Variants in SLC45A1 observed in about 807,000 individuals in gnomAD.
The protein encoded by SLC45A1 is solute carrier family 45 member 1.
A neutral mutation model predicts 57.6 loss-of-function variants in SLC45A1; 28 were observed. The observed-to-expected ratio is 0.49, with a 90% CI of 0.36 to 0.67. The LOEUF (loss-of-function observed/expected upper bound fraction) is 0.67. Among genes scored for constraint, SLC45A1 ranks in the 30% least tolerant of loss-of-function variants. The pLI is 0.00. For missense variants in SLC45A1, 814 were observed against 1,041.5 expected (o/e 0.78, Z 3.01); for synonymous variants, 459 against 471.5 (o/e 0.97, Z 0.34).
chr1:8,343,689 C>G lies in SLC45A1; in HGVS notation c.1981-58C>G. The G allele has an allele frequency of 6.4e-7, 1 of 1,558,418 alleles. No individual in the cohort carries two copies. The highest frequency in any genetic ancestry group is 8.7e-7 in the Non-Finnish European group (1 of 1,148,856). On this transcript the variant is annotated intron_variant, in intron 8 of 8. Coordinates refer to ENST00000471889, the MANE Select transcript of SLC45A1 (RefSeq NM_001080397.3). The surrounding 1 kb of genome is among the most constrained non-coding windows in gnomAD (Gnocchi z 7.7). ...CTGGGCTCGCAGGACACACCGAGCT[C>G]GGTCACCCCGTGCTGGCCGCGGCGT...
In SLC45A1 at chr1:8,325,011, T is replaced by C. The variant is rs375348843; in HGVS notation, c.397+285T>C. 7.9e-5 allele frequency among the ~76,000 whole-genome samples: 12 copies of C among 152,182 alleles called. No individual in the cohort carries two copies. The highest frequency in any genetic ancestry group is 3.2e-3 in the Middle Eastern group (1 of 316). ...GTCCAACTCATAACGCTTGGTGTCA[T>C]GTGAGCCTGGAAGGTCCTGAAATTT... On this transcript the variant is annotated intron_variant, in intron 2 of 8. Transcript: ENST00000471889. The surrounding 1 kb of genome is among the most constrained non-coding windows in gnomAD (Gnocchi z 6.3).
chr1:8,320,116 T>A (rs1001442129), intron 1 of SLC45A1, among the ~76,000 whole-genome samples: 1 of 152,228 alleles, frequency 6.6e-6, no homozygotes, highest in African/African-American at 2.4e-5. Flanking sequence ...ATCCCCAGAT[T>A]TGAAGATGAA....
At chr1:8,342,294 A>G (rs1640850759) in intron 8 of SLC45A1, among the ~76,000 whole-genome samples, 1 of 152,220 alleles carries the variant, frequency 6.6e-6, no homozygotes, top group Non-Finnish European at 1.5e-5. Context: ...GTATTGAAAT[A>G]TGCACCATCT....
chr1:8,343,706 C>G lies in SLC45A1; in HGVS notation c.1981-41C>G. ...ACCGAGCTCGGTCACCCCGTGCTGGCCGCGGCGTGTCTCGCTGACACGTTT... is the reference window on the plus strand; with the variant it reads ...ACCGAGCTCGGTCACCCCGTGCTGGGCGCGGCGTGTCTCGCTGACACGTTT... On this transcript the variant is annotated intron_variant, in intron 8 of 8. Coordinates refer to ENST00000471889, the MANE Select transcript of SLC45A1 (RefSeq NM_001080397.3). The surrounding 1 kb of genome is among the most constrained non-coding windows in gnomAD (Gnocchi z 7.7). The G allele has an allele frequency of 6.3e-7, 1 of 1,578,614 alleles. No homozygotes were observed.
chr1:8,334,160 T>A (rs1267839751), intron 5 of SLC45A1, among the ~76,000 whole-genome samples: 1 of 152,242 alleles, frequency 6.6e-6, no homozygotes, highest in Non-Finnish European at 1.5e-5. Flanking sequence ...CATCCCCTTT[T>A]TCTGTTTCCT....
At chr1:8,334,483 T>C (rs1282907459) in intron 5 of SLC45A1, among the ~76,000 whole-genome samples, 1 of 152,214 alleles carries the variant, frequency 6.6e-6, no homozygotes, top group Non-Finnish European at 1.5e-5. Flanking sequence ...GGAGGACCAC[T>C]TGAGGCCAGG....
rs144625442 is a variant in SLC45A1, at chr1:8,335,499, C to T, written c.1506C>T (p.Arg502=). The part of the protein sequence containing the change: ...YESELTGSSE[R]AEQPLSVGRL... ...GCGAGCTGACGGGCTCCAGCGAGCG[C>T]GCGGAGCAGCCTCTGTCCGTGGGGC... Residue 502 remains arginine, a synonymous_variant, in exon 6 of 9, where the codon CGC becomes CGT. Transcript: ENST00000471889. This position sits in a 1 kb window ranked among gnomAD's most constrained non-coding sequence, Gnocchi z 4.1. 13 of 1,603,120 alleles carry T rather than the reference C, an allele frequency of 8.1e-6. No homozygotes were observed. The highest frequency in any genetic ancestry group is 4.5e-5 in the East Asian group (2 of 44,866).
chr1:8,338,139 CG>C, intron 7 of SLC45A1, 147 bp downstream of exon 7: 1 of 764,204 alleles, frequency 1.3e-6, no homozygotes, highest in Admixed American at 2.9e-5. Context: ...GGCTGCAGGG[CG>C]CTGGGCCTGG....
intron 7 of SLC45A1, among the ~76,000 whole-genome samples, chr1:8,338,947 G>A (rs1640713187): frequency 1.3e-5 from 2 of 152,180 alleles, no homozygotes; most frequent in African/African-American, 4.8e-5. Context: ...TCACTTGTGA[G>A]TCCATGGGGT....
At chr1:8,331,008 A>T in intron 5 of SLC45A1, 72 bp downstream of exon 5, 1 of 1,489,612 alleles carries the variant, frequency 6.7e-7, no homozygotes, top group East Asian at 2.3e-5. Flanking sequence ...GTTACATGAC[A>T]AAGAGGGAGA....
rs1557568025 is a variant in SLC45A1 at position 8,337,872 on chromosome 1, G to C, written c.1654G>C (p.Val552Leu). Residue 552 changes from valine (V) to leucine (L), a missense_variant, in exon 7 of 9, where the codon GTG becomes CTG. Transcript: ENST00000471889. ...LFYTDFMGEVVFQGDPKAPHT... is the reference protein window; with the variant it reads ...LFYTDFMGEVLFQGDPKAPHT... The stretch of plus-strand genomic sequence containing the variant: ...CTACACAGACTTCATGGGCGAGGTG[G>C]TGTTTCAGGGGGACCCCAAGGCCCC... The C allele has an allele frequency of 1.2e-6, 2 of 1,614,254 alleles. No homozygotes were observed. The highest frequency in any genetic ancestry group is 1.6e-4 in the Middle Eastern group (1 of 6,062).
intron 7 of SLC45A1, 51 bp from the exon 8 acceptor site, chr1:8,339,441 TC>T: frequency 1.3e-6 from 2 of 1,582,474 alleles, no homozygotes; most frequent in South Asian, 2.2e-5. Context: ...GGAAGCTGAA[TC>T]CCCGGAGGCT....
intron 7 of SLC45A1, among the ~76,000 whole-genome samples, chr1:8,338,404 G>A (rs1367076028): frequency 2.6e-5 from 4 of 152,232 alleles, no homozygotes; most frequent in Admixed American, 6.5e-5. Flanking sequence ...GTCGTGGAGC[G>A]TAGGGGTGGG....
Position 8,326,003 on chromosome 1 carries a change from G to C in SLC45A1, c.676G>C (p.Asp226His). Reference protein sequence around the residue: ...AYMMDVCSPADQDRGLNIHAL... With the variant: ...AYMMDVCSPAHQDRGLNIHAL... ...CATGATGGACGTGTGCAGCCCCGCA[G>C]ACCAGGACCGAGGCCTGAACATCCA... Residue 226 changes from aspartate to histidine, a missense_variant, in exon 4 of 9, where the codon GAC becomes CAC. Physicochemically the swap from Asp to His is moderately conservative, Grantham distance 81 (BLOSUM62 -1). Coordinates refer to ENST00000471889, the MANE Select transcript of SLC45A1 (RefSeq NM_001080397.3). The surrounding 1 kb of genome is among the most constrained non-coding windows in gnomAD (Gnocchi z 5.5). 6.2e-7 allele frequency: 1 copy of C among 1,608,042 alleles called. No homozygotes were observed. Among genetic ancestry groups the C allele is most frequent in the Non-Finnish European group, 8.5e-7 (1 of 1,180,004 alleles).
rs1239548783 is a variant in SLC45A1, at chr1:8,318,238, CG to C, written c.-25+56del. On this transcript the variant is annotated intron_variant, in intron 1 of 8. Transcript: ENST00000471889. Reference sequence around the variant, plus strand: ...GCCCGCTCTCTGGCTCCGTGCCTGCCGGGGCGCCGCGCCCTGGGCCCCGGGG... The same window carrying C: ...GCCCGCTCTCTGGCTCCGTGCCTGCCGGGCGCCGCGCCCTGGGCCCCGGGG... The C allele has an allele frequency of 1.2e-5, 5 of 413,120 alleles. No individual in the cohort carries two copies. In the East Asian group the frequency reaches 1.4e-4, roughly 12 times the overall value. 25.6% of individuals were successfully genotyped at this position (413,120 alleles called of 1,614,324 possible). A position where few individuals can be genotyped will look rare whatever the true frequency, so the allele number is the denominator to read the frequency against.
intron 1 of SLC45A1, among the ~76,000 whole-genome samples, chr1:8,321,609 G>C (rs1310721907): frequency 1.3e-5 from 2 of 152,076 alleles, no homozygotes; most frequent in East Asian, 3.9e-4. Flanking sequence ...TCAGTGTCTT[G>C]GTACTCAGTA....
intron 5 of SLC45A1, among the ~76,000 whole-genome samples, chr1:8,334,819 A>C (rs183086544): frequency 2.6e-5 from 4 of 152,300 alleles, no homozygotes; most frequent in Admixed American, 1.3e-4. Context: ...GGAGTTTGCA[A>C]ACCGAGTGAA....
intron 4 of SLC45A1, among the ~76,000 whole-genome samples, chr1:8,329,670 G>T (rs1047437459): frequency 1.3e-5 from 2 of 152,240 alleles, no homozygotes; most frequent in African/African-American, 4.8e-5. Flanking sequence ...CTGCTTTTCT[G>T]CTGTAGGCTG....
rs373652406 is a variant in SLC45A1, at chr1:8,326,982, AAAACAAAC to A, written c.715+954_715+961del. ...GCAACAAGAGCGAACCTCCATCTCA[AAAACAAAC>A]AAACAAACAAACACCAACTCTTGTT... On this transcript the variant is annotated intron_variant, in intron 4 of 8. Transcript: ENST00000471889. This position sits in a 1 kb window ranked among gnomAD's most constrained non-coding sequence, Gnocchi z 5.5. Among the ~76,000 whole-genome samples, 1 of 152,164 alleles carries A rather than the reference AAAACAAAC, an allele frequency of 6.6e-6. No individual in the cohort carries two copies. Among genetic ancestry groups the A allele is most frequent in the Non-Finnish European group, 1.5e-5 (1 of 68,036 alleles).
Sources: allele counts gnomAD v4.1 joint callset (sites outside exome capture counted in the v4.1 genomes callset), GRCh38; gene constraint gnomAD v4.1.1; non-coding constraint Gnocchi (gnomAD v3.1); transcripts MANE v1.5; gene names NCBI Gene and HGNC (gene_info 2026-07-23, HGNC 2026-07-21).